The following EPS8L3 variants were observed in gnomAD, a reference collection of about 807,000 sequenced individuals.
EPS8L3 encodes the protein EPS8 signaling adaptor L3, also known as epidermal growth factor receptor kinase substrate 8-like protein 3.
A neutral mutation model predicts 88.5 loss-of-function variants in EPS8L3; 80 were observed. That is an observed-to-expected ratio of 0.90 (90% CI 0.75 to 1.09). The LOEUF (loss-of-function observed/expected upper bound fraction) is 1.09, where lower values mean the gene tolerates loss of function less well. Ranked by LOEUF, EPS8L3 falls within the 50% of genes least tolerant of loss-of-function variation. The pLI is 0.00. For synonymous variants in EPS8L3, 286 were observed against 291.0 expected, an observed-to-expected ratio of 0.98 and a Z score of 0.18; for missense variants, 721 against 735.2, an observed-to-expected ratio of 0.98 and a Z score of 0.22.
intron 1 of EPS8L3, 123 bp downstream of exon 1, chr1:109,763,699 C>T (rs554942625): frequency 1.3e-5 from 2 of 152,934 alleles, no homozygotes; most frequent in African/African-American, 4.8e-5. Context: ...GCTTGATCCC[C>T]TGGGCTGCAG....
chr1:109,752,748 AAGAGC>A (rs1330932298), intron 13 of EPS8L3, 28 bp from the exon 14 acceptor site: 1 of 1,549,952 alleles, frequency 6.5e-7, no homozygotes, highest in South Asian at 1.2e-5. Flanking sequence ...GAGAGTGAGT[AAGAGC>A]AGGAGGCAGC....
chr1:109,750,998 G>A (rs532403642), intron 17 of EPS8L3, among the ~76,000 whole-genome samples: 2 of 152,320 alleles, frequency 1.3e-5, no homozygotes, highest in East Asian at 3.9e-4. Context: ...TGCTCTGGGA[G>A]AGAATCTTCT....
Position 109,759,596 on chromosome 1 carries a change from C to T in EPS8L3, c.255+82G>A. The T allele has an allele frequency of 6.5e-7, 1 of 1,537,638 alleles. No homozygotes were observed. The highest frequency in any genetic ancestry group is 8.8e-7 in the Non-Finnish European group (1 of 1,139,956). Reference sequence around the variant, plus strand: ...TGGGGAGAGTGGCTGCCCTTTGGGGCATGGAGGGTGGAGTTCAAGAGCTAG... The same window carrying T: ...TGGGGAGAGTGGCTGCCCTTTGGGGTATGGAGGGTGGAGTTCAAGAGCTAG... On this transcript the variant is annotated intron_variant, in intron 4 of 18. Transcript: ENST00000361965. This position sits in a 1 kb window ranked among gnomAD's most constrained non-coding sequence, Gnocchi z 4.2.
At chr1:109,752,822 C>T in intron 13 of EPS8L3, 102 bp from the exon 14 acceptor site, 2 of 1,065,324 alleles carry the variant, frequency 1.9e-6, no homozygotes, top group Non-Finnish European at 2.8e-6. Context: ...TCACACACAG[C>T]TGCCTCCTAT....
intron 1 of EPS8L3, among the ~76,000 whole-genome samples, chr1:109,762,556 G>A (rs534212030): frequency 6.0e-4 from 91 of 152,238 alleles, no homozygotes; most frequent in East Asian, 9.7e-4. Flanking sequence ...TAGCCACCAC[G>A]GTGCTGTGAG....
intron 17 of EPS8L3, 119 bp from the exon 18 acceptor site, chr1:109,750,911 G>T: frequency 8.3e-7 from 1 of 1,206,408 alleles, no homozygotes. Flanking sequence ...AATTCATGGA[G>T]TAGGCTATCT....
intron 3 of EPS8L3, among the ~76,000 whole-genome samples, chr1:109,760,478 C>T (rs1650797490): frequency 6.6e-6 from 1 of 152,126 alleles, no homozygotes; most frequent in Non-Finnish European, 1.5e-5. Flanking sequence ...TAGGGAGATG[C>T]AGCCTGCCTC....
At position 109,753,187 on chromosome 1, in the gene EPS8L3, G is replaced by C; in HGVS notation, c.1130C>G (p.Thr377Arg). The C allele has an allele frequency of 6.2e-7, 1 of 1,610,508 alleles. No homozygotes were observed. The highest frequency in any genetic ancestry group is 8.5e-7 in the Non-Finnish European group (1 of 1,178,158). Residue 377 changes from threonine to arginine, a missense_variant, in exon 13 of 19, where the codon ACA (threonine) becomes AGA (arginine). By Grantham distance (71) the Thr-to-Arg change is moderately conservative. Coordinates refer to ENST00000361965, the MANE Select transcript of EPS8L3 (RefSeq NM_133181.4). Reference sequence around the variant, plus strand: ...TTGGTAGGGCAGGGGCTCATCGCCTGTCCAGTCGGCCCTGAAGAGGGAAAC... The same window carrying C: ...TTGGTAGGGCAGGGGCTCATCGCCTCTCCAGTCGGCCCTGAAGAGGGAAAC... ...PAWTTSRADW[T>R]GDEPLPYQPT...
Position 109,761,765 on chromosome 1 carries a change from G to T in EPS8L3, c.-16C>A. On this transcript the variant is annotated 5_prime_UTR_variant, in exon 2 of 19. Transcript: ENST00000361965. ...GCCTTGACATGTTGACGCTGCTGAGGACGGCTCCCTAGAACCCAAAGTGAA... is the reference window on the plus strand; with the variant it reads ...GCCTTGACATGTTGACGCTGCTGAGTACGGCTCCCTAGAACCCAAAGTGAA... 6.2e-7 allele frequency: 1 copy of T among 1,614,050 alleles called. No homozygotes were observed. Among genetic ancestry groups the T allele is most frequent in the Non-Finnish European group, 8.5e-7 (1 of 1,180,004 alleles).
intron 10 of EPS8L3, 95 bp downstream of exon 10, chr1:109,757,706 GA>G: frequency 1.4e-6 from 2 of 1,478,266 alleles, no homozygotes; most frequent in Non-Finnish European, 1.9e-6. Flanking sequence ...AGATGAAGAA[GA>G]AAAAGGCTTG....
intron 8 of EPS8L3, 113 bp downstream of exon 8, chr1:109,758,203 C>T (rs970339214): frequency 1.5e-6 from 2 of 1,319,168 alleles, no homozygotes; most frequent in African/African-American, 2.9e-5. Flanking sequence ...GCCTCCTGGC[C>T]CAGGCCCTGG....
chr1:109,761,170 A>G (rs777336164), intron 3 of EPS8L3: 26 of 277,474 alleles, frequency 9.4e-5, no homozygotes, highest in Non-Finnish European at 1.5e-4. Context: ...GGGTTGGGAG[A>G]CAGGGGAGGG....
intron 16 of EPS8L3, 45 bp downstream of exon 16, chr1:109,751,609 C>A: frequency 1.9e-6 from 3 of 1,612,952 alleles, no homozygotes; most frequent in Non-Finnish European, 2.5e-6. Flanking sequence ...ACCCCGACCT[C>A]CAACTCAAGA....
intron 1 of EPS8L3, 78 bp from the exon 2 acceptor site, chr1:109,761,851 C>CTATT: frequency 1.5e-6 from 2 of 1,338,674 alleles, no homozygotes; most frequent in Non-Finnish European, 2.1e-6. Flanking sequence ...AGGACAGTTG[C>CTATT]TATTGCTCTG....
chr1:109,758,932 G>T, intron 6 of EPS8L3, 130 bp downstream of exon 6: 1 of 1,026,050 alleles, frequency 9.7e-7, no homozygotes, highest in Non-Finnish European at 1.4e-6. Context: ...CTCTGTCCTG[G>T]CTCCTCCTCA....
At chr1:109,755,734 G>T (rs1650228405) in intron 12 of EPS8L3, among the ~76,000 whole-genome samples, 1 of 152,156 alleles carries the variant, frequency 6.6e-6, no homozygotes, top group African/African-American at 2.4e-5. Context: ...TAGGAGGATC[G>T]CTGGAGCCAG....
chr1:109,753,752 T>C (rs1650029040), intron 12 of EPS8L3, among the ~76,000 whole-genome samples: 1 of 152,216 alleles, frequency 6.6e-6, no homozygotes, highest in Non-Finnish European at 1.5e-5. Context: ...CCATGCTGTT[T>C]GTGGCCTTCA....
At chr1:109,756,095 G>T (rs1412628670) in intron 12 of EPS8L3, among the ~76,000 whole-genome samples, 1 of 152,236 alleles carries the variant, frequency 6.6e-6, no homozygotes, top group Non-Finnish European at 1.5e-5. Flanking sequence ...CTCCCCAGTA[G>T]CTGTGCCTCT....
intron 16 of EPS8L3, 109 bp downstream of exon 16, chr1:109,751,545 T>C: frequency 6.5e-7 from 1 of 1,529,484 alleles, no homozygotes; most frequent in Non-Finnish European, 9.0e-7. Context: ...CATGCAATAA[T>C]ACGGTCCGAA....
Sources: gnomAD v4.1 joint callset for allele counts (sites outside exome capture counted in the v4.1 genomes callset) on GRCh38, gnomAD v4.1.1 for gene constraint, Gnocchi (gnomAD v3.1) non-coding constraint, MANE v1.5 for transcripts, NCBI Gene and HGNC (gene_info 2026-07-23, HGNC 2026-07-21) for gene names.